The following CTRB1 variants were observed in gnomAD, a reference collection of about 807,000 sequenced individuals.
The protein encoded by CTRB1 is chymotrypsinogen B1.
In CTRB1, 15 loss-of-function variants were observed where a neutral mutation model predicts 20.4. That is an observed-to-expected ratio of 0.74 (90% confidence interval 0.49 to 1.13). The LOEUF (loss-of-function observed/expected upper bound fraction) is 1.13, where lower values mean the gene tolerates loss of function less well. Ranked by LOEUF, CTRB1 falls within the 50% of genes most tolerant of loss-of-function variation. The pLI is 0.00. For missense variants in CTRB1, 227 were observed against 290.1 expected, an observed-to-expected ratio of 0.78 and a Z score of 1.58; for synonymous variants, 92 against 128.4, an observed-to-expected ratio of 0.72 and a Z score of 1.92.
chr16:75,220,725 G>C (rs776733803), intron 1 of CTRB1, among the ~76,000 whole-genome samples: 1 of 151,462 alleles, frequency 6.6e-6, no homozygotes, highest in Admixed American at 6.6e-5. Flanking sequence ...TGCGTGCTCT[G>C]TTGTGTGAGT....
rs1189253328 is a variant in CTRB1 at position 75,224,760 on chromosome 16, G to C, written c.686G>C (p.Gly229Ala). 2 of 1,613,848 alleles carry C rather than the reference G, an allele frequency of 1.2e-6. No individual in the cohort carries two copies. Among genetic ancestry groups the C allele is most frequent in the Non-Finnish European group, 1.7e-6 (2 of 1,180,010 alleles). ...CQKDGAWTLVGIVSWGSDTCS... is the reference protein window; with the variant it reads ...CQKDGAWTLVAIVSWGSDTCS... Reference sequence around the variant, plus strand: ...AAGGATGGAGCCTGGACCCTGGTGGGCATTGTGTCCTGGGGCAGCGACACC... The same window carrying C: ...AAGGATGGAGCCTGGACCCTGGTGGCCATTGTGTCCTGGGGCAGCGACACC... Residue 229 changes from glycine (G) to alanine (A), a missense_variant, in exon 7 of 7, where the codon GGC becomes GCC. Around this residue, in one of 4 missense-constraint regions of CTRB1, gnomAD observed 108 missense variants for 76.9 expected, o/e 1.41. Coordinates refer to ENST00000361017, the MANE Select transcript of CTRB1 (RefSeq NM_001906.6).
At chr16:75,223,366 C>G in intron 4 of CTRB1, 82 bp from the exon 5 acceptor site, 1 of 1,319,788 alleles carries the variant, frequency 7.6e-7, no homozygotes, top group South Asian at 1.2e-5. Flanking sequence ...TAACGGGCAC[C>G]AGGGAAGGAG....
rs1389545800 is a variant in CTRB1, at chr16:75,222,781, C to T, written c.66C>T (p.Pro22=). The change falls in exon 2 of 7, where the codon CCC becomes CCT. Residue 22 remains proline, a synonymous_variant. Transcript: ENST00000361017. Reference sequence around the variant, plus strand: ...ACTCCCCCCCAGGCTGCGGGGTCCCCGCCATCCACCCTGTGCTCAGCGGCC... The same window carrying T: ...ACTCCCCCCCAGGCTGCGGGGTCCCTGCCATCCACCCTGTGCTCAGCGGCC... The part of the protein sequence containing the change: ...LVGAAFGCGV[P]AIHPVLSGLS... 21 of 1,556,044 alleles carry T rather than the reference C, an allele frequency of 1.3e-5. No individual in the cohort carries two copies. The East Asian group carries it at 1.4e-4, about 11-fold the overall frequency.
Position 75,219,069 on chromosome 16 carries a change from G to C in CTRB1, c.52+10G>C. The C allele has an allele frequency of 1.3e-6, 2 of 1,582,754 alleles. No individual in the cohort carries two copies. Among genetic ancestry groups the C allele is most frequent in the African/African-American group, 1.3e-5 (1 of 74,694 alleles). Reference sequence around the variant, plus strand: ...GTGGGGGCCGCCTTTGGTGAGTGCTGGTGCCCGAGGGGTCTGTCCTGAGGG... The same window carrying C: ...GTGGGGGCCGCCTTTGGTGAGTGCTCGTGCCCGAGGGGTCTGTCCTGAGGG... On this transcript the variant is annotated intron_variant, in intron 1 of 6. Transcript: ENST00000361017.
At chr16:75,219,157 C>G (rs2039042995) in intron 1 of CTRB1, 98 bp downstream of exon 1, 1 of 1,296,622 alleles carries the variant, frequency 7.7e-7, no homozygotes, top group Non-Finnish European at 1.1e-6. Context: ...GGCCTCATCC[C>G]CAGCACAGGT....
At chr16:75,219,285 G>A (rs2039044240) in intron 1 of CTRB1, among the ~76,000 whole-genome samples, 3 of 152,164 alleles carry the variant, frequency 2.0e-5, no homozygotes, top group Non-Finnish European at 4.4e-5. Flanking sequence ...GAAGTGGCTG[G>A]GGTGGGGGTG....
chr16:75,220,245 G>A (rs557566191), intron 1 of CTRB1, among the ~76,000 whole-genome samples: 5 of 151,998 alleles, frequency 3.3e-5, no homozygotes, highest in South Asian at 4.2e-4. Flanking sequence ...GTGCAGTGGC[G>A]TGATCTTGGC....
intron 1 of CTRB1, among the ~76,000 whole-genome samples, chr16:75,219,608 T>G (rs1259289897): frequency 6.6e-6 from 1 of 152,128 alleles, no homozygotes; most frequent in Non-Finnish European, 1.5e-5. Flanking sequence ...GGTCTTGAAC[T>G]CCTGACCTCA....
rs2076726398 is a variant in CTRB1, at chr16:75,224,870, C to CGCGGCTCCCTCCGACCCT, written c.*7_*24dup. On this transcript the variant is annotated 3_prime_UTR_variant, in exon 7 of 7. Coordinates refer to ENST00000361017, the MANE Select transcript of CTRB1 (RefSeq NM_001906.6). ...GAAGATCCTGGCTGCCAACTGAGCCCGCGGCTCCCTCCGACCCTGCTCCCC... is the reference window on the plus strand; with the variant it reads ...GAAGATCCTGGCTGCCAACTGAGCCCGCGGCTCCCTCCGACCCTGCGGCTCCCTCCGACCCTGCTCCCC... 6.2e-7 allele frequency: 1 copy of CGCGGCTCCCTCCGACCCT among 1,613,412 alleles called. No individual in the cohort carries two copies. Among genetic ancestry groups the CGCGGCTCCCTCCGACCCT allele is most frequent in the Non-Finnish European group, 8.5e-7 (1 of 1,180,016 alleles).
rs1315549341 is a variant in CTRB1, at chr16:75,224,774, G to A, written c.700G>A (p.Gly234Ser). The change falls in exon 7 of 7, where the codon GGC becomes AGC. Residue 234 changes from glycine (G) to serine (S), a missense_variant. Physicochemically the swap from Gly to Ser is moderately conservative, Grantham distance 56. Transcript: ENST00000361017. Reference sequence around the variant, plus strand: ...GACCCTGGTGGGCATTGTGTCCTGGGGCAGCGACACCTGCTCCACCTCCAG... The same window carrying A: ...GACCCTGGTGGGCATTGTGTCCTGGAGCAGCGACACCTGCTCCACCTCCAG... ...AWTLVGIVSW[G>S]SDTCSTSSPG... is the part of the protein sequence containing the mutation. The A allele has an allele frequency of 6.2e-7, 1 of 1,613,914 alleles. No homozygotes were observed. Among genetic ancestry groups the A allele is most frequent in the African/African-American group, 1.3e-5 (1 of 75,050 alleles).
At chr16:75,222,656 G>C in intron 1 of CTRB1, 112 bp from the exon 2 acceptor site, 1 of 1,187,684 alleles carries the variant, frequency 8.4e-7, no homozygotes, top group Non-Finnish European at 1.2e-6. Context: ...GTGCCAGGGA[G>C]GTCCTGAGCT....
At position 75,224,911 on chromosome 16, in the gene CTRB1, A is replaced by T; in HGVS notation, c.*45A>T. ...CCTGCTCCCCACAGAGCCTCAGTAA[A>T]CCCATGGAACACACGTCGGCGCTGT... On this transcript the variant is annotated 3_prime_UTR_variant, in exon 7 of 7. Coordinates refer to ENST00000361017, the MANE Select transcript of CTRB1 (RefSeq NM_001906.6). 1 of 1,605,914 alleles carries T rather than the reference A, an allele frequency of 6.2e-7. No homozygotes were observed.
At chr16:75,219,500 T>C (rs1305517340) in intron 1 of CTRB1, among the ~76,000 whole-genome samples, 2 of 152,112 alleles carry the variant, frequency 1.3e-5, no homozygotes, top group African/African-American at 4.8e-5. Context: ...CAAATGATCT[T>C]CCTGCCTCAG....
chr16:75,224,619 C>G, intron 6 of CTRB1, 86 bp from the exon 7 acceptor site: 1 of 1,452,212 alleles, frequency 6.9e-7, no homozygotes, highest in African/African-American at 1.4e-5. Context: ...GGGTCCTGGA[C>G]TGGACTCTGG....
At chr16:75,220,090 C>G (rs2039060841) in intron 1 of CTRB1, among the ~76,000 whole-genome samples, 1 of 152,164 alleles carries the variant, frequency 6.6e-6, no homozygotes, top group Admixed American at 6.5e-5. Context: ...CTCGAGTGAT[C>G]CTCCCACTAT....
At chr16:75,224,258 T>C in intron 6 of CTRB1, 70 bp downstream of exon 6, 3 of 1,526,806 alleles carry the variant, frequency 2.0e-6, no homozygotes, top group South Asian at 2.4e-5. Context: ...TTTCCACCCC[T>C]CTCTGCTCTC....
At chr16:75,224,662 G>C (rs1275158928) in intron 6 of CTRB1, 43 bp from the exon 7 acceptor site, 1 of 1,575,836 alleles carries the variant, frequency 6.3e-7, no homozygotes, top group East Asian at 2.2e-5. Flanking sequence ...GGACCAGTCT[G>C]TCTCGGCTGC....
chr16:75,219,520 C>T (rs2039050137), intron 1 of CTRB1, among the ~76,000 whole-genome samples: 1 of 151,886 alleles, frequency 6.6e-6, no homozygotes, highest in African/African-American at 2.4e-5. Flanking sequence ...GCTTCCCGAG[C>T]AGCTGGGACT....
At chr16:75,222,491 A>G (rs2076700952) in intron 1 of CTRB1, 3 of 527,810 alleles carry the variant, frequency 5.7e-6, no homozygotes, top group Admixed American at 3.5e-5. Context: ...GCAGTCTTAC[A>G]GCCCGGCCTG....
Sources: gnomAD v4.1 joint callset for allele counts (sites outside exome capture counted in the v4.1 genomes callset) on GRCh38, gnomAD v4.1.1 for gene constraint, gnomAD v4.1.1 regional missense constraint, MANE v1.5 for transcripts, NCBI Gene and HGNC (gene_info 2026-07-23, HGNC 2026-07-21) for gene names.